The following PCGF2 variants were observed in gnomAD, a reference collection of about 807,000 sequenced individuals.
The protein encoded by PCGF2 is polycomb group RING finger protein 2.
Under a neutral mutation model 36.1 loss-of-function variants are expected in PCGF2, and 8 were observed. The observed-to-expected ratio is 0.22, with a 90% CI of 0.13 to 0.40. The LOEUF (loss-of-function observed/expected upper bound fraction) is 0.40. PCGF2 is among the 10% of genes least tolerant of loss of function. The pLI is 1.00. For missense variants in PCGF2, 436 were observed against 475.9 expected, an observed-to-expected ratio of 0.92 and a Z score of 0.78; for synonymous variants, 198 against 191.2, an observed-to-expected ratio of 1.04 and a Z score of -0.29.
chr17:38,736,413 G>C (rs1427675998), intron 9 of PCGF2, among the ~76,000 whole-genome samples: 1 of 152,212 alleles, frequency 6.6e-6, no homozygotes, highest in African/African-American at 2.4e-5. Flanking sequence ...GTCCCACCAT[G>C]CACACAGCTG....
In PCGF2 at chr17:38,735,366, T is replaced by G. The variant is rs775970031; in HGVS notation, c.892A>C (p.Thr298Pro). 1.9e-6 allele frequency: 3 copies of G among 1,543,502 alleles called. No individual in the cohort carries two copies. Among genetic ancestry groups the G allele is most frequent in the Non-Finnish European group, 1.8e-6 (2 of 1,141,562 alleles). Residue 298 changes from threonine to proline, a missense_variant, in exon 11 of 11, where the codon ACC (threonine) becomes CCC (proline). Physicochemically the swap from Thr to Pro is conservative, Grantham distance 38. Coordinates refer to ENST00000620225, the MANE Select transcript of PCGF2 (RefSeq NM_007144.3). ...GCTGTCGAAGGGGGAGTGGGGGAGGTAGGGTGGGTGGCTGGAGGCCCATGG... is the reference window on the plus strand; with the variant it reads ...GCTGTCGAAGGGGGAGTGGGGGAGGGAGGGTGGGTGGCTGGAGGCCCATGG... Reference protein sequence around the residue: ...SSHGPPATHPTSPTPPSTASG... With the variant: ...SSHGPPATHPPSPTPPSTASG...
upstream of PCGF2, among the ~76,000 whole-genome samples, chr17:38,748,699 G>A (rs1014889259): frequency 5.9e-5 from 9 of 152,178 alleles, no homozygotes; most frequent in African/African-American, 2.2e-4. Context: ...CCTAACTGGG[G>A]CGCCTGGAAA....
In PCGF2 at chr17:38,738,295, AGACTGTCT is replaced by A; in HGVS notation, c.576+50_576+57del. Reference sequence around the variant, plus strand: ...GCTCTGACCAATGGCTGGGCTGCACAGACTGTCTGACACACCCATACACAGACACTCAT... The same window carrying A: ...GCTCTGACCAATGGCTGGGCTGCACAGACACACCCATACACAGACACTCAT... On this transcript the variant is annotated intron_variant, in intron 9 of 10. Transcript: ENST00000620225. 2.9e-6 allele frequency: 4 copies of A among 1,402,542 alleles called. No homozygotes were observed. In the South Asian group the frequency reaches 4.7e-5, roughly 16 times the overall value. 86.9% of individuals were successfully genotyped at this position (1,402,542 alleles called of 1,614,324 possible).
In PCGF2 at chr17:38,735,584, AG is replaced by A; in HGVS notation, c.673del (p.Leu225SerfsTer14). On this transcript the variant is annotated frameshift_variant, in exon 11 of 11. Transcript: ENST00000620225. LOFTEE classifies it high-confidence loss of function. ...GCAGGCTGGCTGGACACGGTACTTG[AG>A]GGGGAGAGGCCCGTTCTGCGGGGAG... ...YPWRRNGPLPLKYRVQPACKR... is the reference protein window; with the variant it reads ...YPWRRNGPLPXKYRVQPACKR... 6.4e-7 allele frequency: 1 copy of A among 1,574,534 alleles called. No homozygotes were observed. The highest frequency in any genetic ancestry group is 8.6e-7 in the Non-Finnish European group (1 of 1,157,714).
chr17:38,735,172 A>C lies in PCGF2; in HGVS notation c.*51T>G, dbSNP rs999830118. On this transcript the variant is annotated 3_prime_UTR_variant, in exon 11 of 11. Transcript: ENST00000620225. ...GAGGTGGAAAAAAGGGCCCAGAAAAAGTGGAAGGAGTGGAGAGGCTTGGCT... is the reference window on the plus strand; with the variant it reads ...GAGGTGGAAAAAAGGGCCCAGAAAACGTGGAAGGAGTGGAGAGGCTTGGCT... The C allele has an allele frequency of 1.2e-5, 15 of 1,288,480 alleles. No individual in the cohort carries two copies. Among genetic ancestry groups the C allele is most frequent in the Non-Finnish European group, 1.5e-5 (15 of 1,002,046 alleles). 79.8% of individuals were successfully genotyped at this position (1,288,480 alleles called of 1,614,324 possible).
In PCGF2 at chr17:38,741,896, G is replaced by C. The variant is rs565837811; in HGVS notation, c.-40-1454C>G. On this transcript the variant is annotated intron_variant, in intron 2 of 10. Transcript: ENST00000620225. ...CTGTCCACAAGCACACAGGGTCCAG[G>C]AACCCCCCTTTCATACACAATGCAG... Among the ~76,000 whole-genome samples, 9 of 152,216 alleles carry C rather than the reference G, an allele frequency of 5.9e-5. No individual in the cohort carries two copies. The East Asian group carries it at 1.7e-3, about 29-fold the overall frequency.
chr17:38,740,199 A>C, intron 3 of PCGF2, 92 bp downstream of exon 3: 1 of 1,163,244 alleles, frequency 8.6e-7, no homozygotes, highest in Middle Eastern at 2.1e-4. Context: ...CTTTAGGGCA[A>C]GGGTTTGCGT....
Position 38,734,994 on chromosome 17 carries a change from AT to A in PCGF2, c.*228del. The A allele has an allele frequency of 2.8e-6, 1 of 358,798 alleles. No homozygotes were observed. The highest frequency in any genetic ancestry group is 5.0e-6 in the Non-Finnish European group (1 of 201,776). 22.2% of individuals were successfully genotyped at this position (358,798 alleles called of 1,614,324 possible). On this transcript the variant is annotated 3_prime_UTR_variant, in exon 11 of 11. Coordinates refer to ENST00000620225, the MANE Select transcript of PCGF2 (RefSeq NM_007144.3). Reference sequence around the variant, plus strand: ...CCATTTTCCACACATACACACACACATAAAGTTTGTTTCCTGTGGCATTTAA... The same window carrying A: ...CCATTTTCCACACATACACACACACAAAAGTTTGTTTCCTGTGGCATTTAA...
intron 2 of PCGF2, among the ~76,000 whole-genome samples, 161 bp from the exon 3 acceptor site, chr17:38,740,603 C>T (rs1023396014): frequency 3.3e-5 from 5 of 152,058 alleles, no homozygotes; most frequent in East Asian, 3.9e-4. Flanking sequence ...ACTAAAAATA[C>T]GGAAAATCAG....
At chr17:38,737,652 C>A (rs1209372412) in intron 9 of PCGF2, among the ~76,000 whole-genome samples, 1 of 151,934 alleles carries the variant, frequency 6.6e-6, no homozygotes, top group Non-Finnish European at 1.5e-5. Context: ...GTGGCTCATG[C>A]CTGTAATCCC....
chr17:38,736,099 G>A lies in PCGF2; in HGVS notation c.648C>T (p.Pro216=), dbSNP rs1399842777. 3 of 1,577,972 alleles carry A rather than the reference G, an allele frequency of 1.9e-6. No homozygotes were observed. Among genetic ancestry groups the A allele is most frequent in the Non-Finnish European group, 2.6e-6 (3 of 1,160,992 alleles). Residue 216 remains proline, a synonymous_variant, in exon 10 of 11, where the codon CCC becomes CCT. Coordinates refer to ENST00000620225, the MANE Select transcript of PCGF2 (RefSeq NM_007144.3). ...CCACTCGCTGGCTCACCCGCCGCCA[G>A]GGGTAGATGTAGGCGATGTCCATGA... ...YTLMDIAYIY[P]WRRNGPLPLK...
upstream of PCGF2, chr17:38,749,672 G>T (rs550882665): frequency 2.2e-6 from 1 of 456,070 alleles, no homozygotes; most frequent in South Asian, 1.5e-5. The surrounding 1 kb of genome is among the most constrained non-coding windows in gnomAD (Gnocchi z 6.5). Flanking sequence ...CAGTTTTGGA[G>T]CGCCTGCCTC....
At chr17:38,743,708 G>A (rs573161495) in intron 2 of PCGF2, among the ~76,000 whole-genome samples, 1 of 152,182 alleles carries the variant, frequency 6.6e-6, no homozygotes, top group East Asian at 1.9e-4. Flanking sequence ...TTACCTGCAG[G>A]GCCCTGCCAG....
intron 7 of PCGF2, 44 bp from the exon 8 acceptor site, chr17:38,738,639 C>A: frequency 6.5e-7 from 1 of 1,548,478 alleles, no homozygotes; most frequent in Non-Finnish European, 8.8e-7. Flanking sequence ...CCAGGAAGAA[C>A]CAGGAGACCC....
chr17:38,740,118 G>A (rs1204371498), intron 3 of PCGF2, among the ~76,000 whole-genome samples, 173 bp downstream of exon 3: 1 of 152,248 alleles, frequency 6.6e-6, no homozygotes, highest in African/African-American at 2.4e-5. Context: ...GATGCCCCGC[G>A]CCCAGTCGCC....
intron 7 of PCGF2, 64 bp from the exon 8 acceptor site, chr17:38,738,659 A>C (rs375930308): frequency 2.6e-6 from 4 of 1,548,858 alleles, no homozygotes; most frequent in Non-Finnish European, 3.5e-6. Context: ...CAGGAGGATG[A>C]TCCCTCAATG....
Position 38,735,106 on chromosome 17 carries a change from G to GC in PCGF2, c.*116dup, listed in dbSNP as rs907363730. On this transcript the variant is annotated 3_prime_UTR_variant, in exon 11 of 11. Coordinates refer to ENST00000620225, the MANE Select transcript of PCGF2 (RefSeq NM_007144.3). ...ATATATATATTTATTTATAAAACCC[G>GC]CCCCCCACCCCCAAGGTGGGAAGAG... is the stretch of plus-strand genomic sequence containing the variant. 1.2e-5 allele frequency: 9 copies of GC among 726,382 alleles called. No homozygotes were observed. The Admixed American group carries it at 1.6e-4, about 13-fold the overall frequency. The allele number at this position is 726,382 out of a possible 1,614,324, so 45.0% of individuals were successfully genotyped here.
In PCGF2 at chr17:38,735,427, G is replaced by T; in HGVS notation, c.831C>A (p.Pro277=). The change falls in exon 11 of 11, where the codon CCC becomes CCA. Residue 277 remains proline (P), a synonymous_variant. Coordinates refer to ENST00000620225, the MANE Select transcript of PCGF2 (RefSeq NM_007144.3). ...AGCCATGGGATGGGGTGGCTGGGCT[G>T]GGCAGGGAGGAGGAGGTGGCTGGCA... ...ATLPATSSSL[P]SPATPSHGSP... 1 of 1,578,864 alleles carries T rather than the reference G, an allele frequency of 6.3e-7. No individual in the cohort carries two copies. Among genetic ancestry groups the T allele is most frequent in the East Asian group, 2.3e-5 (1 of 43,022 alleles).
intron 3 of PCGF2, 60 bp downstream of exon 3, chr17:38,740,231 C>G: frequency 6.8e-7 from 1 of 1,475,080 alleles, no homozygotes; most frequent in African/African-American, 1.4e-5. Flanking sequence ...CAGGCCGTGC[C>G]CGCCCCAATC....
Sources: gnomAD v4.1 joint callset for allele counts (sites outside exome capture counted in the v4.1 genomes callset) on GRCh38, gnomAD v4.1.1 for gene constraint, Gnocchi (gnomAD v3.1) non-coding constraint, MANE v1.5 for transcripts, NCBI Gene and HGNC (gene_info 2026-07-23, HGNC 2026-07-21) for gene names.